The following GRIA1 variants were observed in gnomAD, a reference collection of about 807,000 sequenced individuals.
GRIA1 encodes the protein glutamate ionotropic receptor AMPA type subunit 1, also known as glutamate receptor 1.
GRIA1 carries 31 observed loss-of-function variants against 99.2 expected under a neutral mutation model. The ratio of observed to expected loss-of-function variants is 0.31; its 90% CI spans 0.23 to 0.42. GRIA1 has a LOEUF of 0.42. GRIA1 is among the 10% of genes least tolerant of loss of function. GRIA1 has a pLI of 1.00. For synonymous variants in GRIA1, 438 were observed against 432.4 expected (o/e 1.01, Z -0.16); for missense variants, 782 against 1,157.5 (o/e 0.68, Z 4.71).
intron 13 of GRIA1, among the ~76,000 whole-genome samples, chr5:153,790,264 G>T (rs1320078388): frequency 6.6e-6 from 1 of 152,162 alleles, no homozygotes; most frequent in African/African-American, 2.4e-5. Context: ...TAGTCTTTGA[G>T]GTTCATCCCA....
At chr5:153,548,935 A>G (rs1371233061) in intron 2 of GRIA1, among the ~76,000 whole-genome samples, 1 of 152,140 alleles carries the variant, frequency 6.6e-6, no homozygotes. Context: ...TTAAATAGCT[A>G]TGTCGAATTC....
chr5:153,576,373 A>G (rs534794072), intron 2 of GRIA1, among the ~76,000 whole-genome samples: 2 of 152,312 alleles, frequency 1.3e-5, no homozygotes, highest in Admixed American at 6.5e-5. Flanking sequence ...CACTGGGAGA[A>G]GAGATGAGAA....
chr5:153,526,168 G>A (rs1757575839), intron 2 of GRIA1, among the ~76,000 whole-genome samples: 1 of 152,158 alleles, frequency 6.6e-6, no homozygotes, highest in Admixed American at 6.5e-5. Context: ...ATTAATGATG[G>A]AGAGGATCTA....
At chr5:153,766,514 A>T (rs1763527797) in intron 12 of GRIA1, among the ~76,000 whole-genome samples, 1 of 152,192 alleles carries the variant, frequency 6.6e-6, no homozygotes, top group Non-Finnish European at 1.5e-5. Flanking sequence ...CCTCAGGCAG[A>T]AGAGGTATTT....
At chr5:153,778,861 C>T (rs919350914) in intron 13 of GRIA1, among the ~76,000 whole-genome samples, 2 of 152,216 alleles carry the variant, frequency 1.3e-5, no homozygotes, top group East Asian at 3.9e-4. Flanking sequence ...AATAAGGAAC[C>T]TCTCCAGGAT....
intron 2 of GRIA1, among the ~76,000 whole-genome samples, chr5:153,543,288 T>C (rs991824173): frequency 3.3e-5 from 5 of 152,134 alleles, no homozygotes; most frequent in African/African-American, 1.2e-4. Flanking sequence ...ATGATGATGA[T>C]AGTAACAAAT....
chr5:153,567,162 C>T (rs1481655063), intron 2 of GRIA1, among the ~76,000 whole-genome samples: 1 of 152,164 alleles, frequency 6.6e-6, no homozygotes, highest in East Asian at 1.9e-4. Context: ...TGCTTTCATT[C>T]ATTTATGCCT....
intron 2 of GRIA1, among the ~76,000 whole-genome samples, chr5:153,615,333 T>A (rs1766389050): frequency 6.6e-6 from 1 of 152,158 alleles, no homozygotes; most frequent in Non-Finnish European, 1.5e-5. Flanking sequence ...GACCCAGAAA[T>A]AACCACCACA....
Position 153,680,253 on chromosome 5 carries a change from C to T in GRIA1, c.1029+3092C>T, listed in dbSNP as rs537570789. Among the ~76,000 whole-genome samples, 5 of 152,142 alleles carry T rather than the reference C, an allele frequency of 3.3e-5. No homozygotes were observed. In the South Asian group the frequency reaches 1.0e-3, roughly 32 times the overall value. On this transcript the variant is annotated intron_variant, in intron 7 of 15. Transcript: ENST00000285900. ...CTCCCCCTTCACTCCGCTGTAATTT[C>T]CCTAGCAGCAGAATGAAGATAATCA...
intron 11 of GRIA1, among the ~76,000 whole-genome samples, chr5:153,713,690 G>C (rs1357658113): frequency 1.3e-5 from 2 of 152,182 alleles, no homozygotes; most frequent in Non-Finnish European, 2.9e-5. Flanking sequence ...ATCAGCAAGG[G>C]GGAAGCATAA....
At chr5:153,777,938 C>T (rs1388985806) in intron 13 of GRIA1, among the ~76,000 whole-genome samples, 2 of 152,166 alleles carry the variant, frequency 1.3e-5, no homozygotes, top group Non-Finnish European at 2.9e-5. Context: ...GATGGGTAGC[C>T]AGGGATGCTT....
chr5:153,530,368 A>G (rs916847270), intron 2 of GRIA1, among the ~76,000 whole-genome samples: 3 of 152,212 alleles, frequency 2.0e-5, no homozygotes, highest in Admixed American at 2.0e-4. Context: ...GCCATGCGAC[A>G]GTTTGCTCTC....
intron 8 of GRIA1, 44 bp downstream of exon 8, chr5:153,686,373 A>G: frequency 1.4e-6 from 2 of 1,445,746 alleles, no homozygotes; most frequent in Non-Finnish European, 1.9e-6. Flanking sequence ...GAAGAGGCTG[A>G]GCAGGGACTC....
chr5:153,729,168 G>T lies in GRIA1; in HGVS notation c.1823+23101G>T, dbSNP rs577805884. On this transcript the variant is annotated intron_variant, in intron 11 of 15. Transcript: ENST00000285900. ...CAAACACCGCATATTCTCACTCATA[G>T]GTGGGAATTGAACAATGAGAACACA... 3.7e-4 allele frequency among the ~76,000 whole-genome samples: 56 copies of T among 151,226 alleles called. 1 individual carries two copies. In the South Asian group the frequency reaches 0.01, roughly 28 times the overall value.
intron 2 of GRIA1, among the ~76,000 whole-genome samples, chr5:153,545,482 A>G (rs1243111158): frequency 6.6e-6 from 1 of 152,164 alleles, no homozygotes; most frequent in Non-Finnish European, 1.5e-5. Context: ...ACTGCAAATC[A>G]TAACCTTCTA....
At chr5:153,582,749 A>G (rs1389284) in intron 2 of GRIA1, among the ~76,000 whole-genome samples, 151,125 of 152,268 alleles carry the variant, frequency 0.99, 75,013 homozygotes, top group South Asian at 1. Context: ...AATTTTCTGG[A>G]GAGCTTTTTA....
chr5:153,635,257 T>C (rs1289058798), intron 2 of GRIA1, among the ~76,000 whole-genome samples: 1 of 152,186 alleles, frequency 6.6e-6, no homozygotes, highest in African/African-American at 2.4e-5. Flanking sequence ...CTGCCTTCAT[T>C]TAACGGATGA....
At chr5:153,491,687 AC>A (rs1445108981) in intron 1 of GRIA1, among the ~76,000 whole-genome samples, 1 of 151,740 alleles carries the variant, frequency 6.6e-6, no homozygotes, top group African/African-American at 2.4e-5. Context: ...ACAGAGGTCT[AC>A]CTTTTACACA....
intron 7 of GRIA1, among the ~76,000 whole-genome samples, chr5:153,677,793 T>A (rs1040985345): frequency 1.3e-5 from 2 of 152,204 alleles, no homozygotes; most frequent in African/African-American, 4.8e-5. Flanking sequence ...GGAAGCAGCA[T>A]GAGACAGTGG....
Sources: allele counts gnomAD v4.1 joint callset (sites outside exome capture counted in the v4.1 genomes callset), GRCh38; gene constraint gnomAD v4.1.1; transcripts MANE v1.5; gene names NCBI Gene and HGNC (gene_info 2026-07-23, HGNC 2026-07-21).